The following C6orf141 variants were observed in gnomAD, a reference collection of about 807,000 sequenced individuals.
C6orf141 encodes the protein uncharacterized protein C6orf141.
For synonymous variants in C6orf141, 164 were observed against 140.5 expected (o/e 1.17, Z -1.18); for missense variants, 361 against 335.8 (o/e 1.07, Z -0.59).
rs1171579591 is a variant in C6orf141 at position 49,558,065 on chromosome 6, T to G, written c.*763+2908T>G. On this transcript the variant is annotated intron_variant and NMD_transcript_variant, in intron 4 of 4. Transcript: ENST00000371194. ...TGCCGTTACACTCAAATATGTTTTT[T>G]TTTTTTTTTTTTTTTTTTAGTAGAG... 2.4e-3 allele frequency among the ~76,000 whole-genome samples: 314 copies of G among 133,538 alleles called. 1 individual carries two copies. The highest frequency in any genetic ancestry group is 3.7e-3 in the Non-Finnish European group (234 of 62,920). The allele number at this position is 133,538 out of a possible 152,430, so 87.6% of individuals were successfully genotyped here. A position where few individuals can be genotyped will look rare whatever the true frequency, so the allele number is the denominator to read the frequency against.
At position 49,550,876 on chromosome 6, in the gene C6orf141, C is replaced by A. The variant is rs1167046195; in HGVS notation, c.84C>A (p.Asp28Glu). The A allele has an allele frequency of 3.3e-6, 5 of 1,517,460 alleles. No individual in the cohort carries two copies. The highest frequency in any genetic ancestry group is 1.3e-5 in the South Asian group (1 of 79,408). 94.0% of individuals were successfully genotyped at this position (1,517,460 alleles called of 1,614,324 possible). A position where few individuals can be genotyped will look rare whatever the true frequency, so the allele number is the denominator to read the frequency against. The change falls in exon 1 of 1, where the codon GAC becomes GAA. Residue 28 changes from aspartate (D) to glutamate (E), a missense_variant. Asp to Glu is a conservative substitution (Grantham distance 45). Coordinates refer to ENST00000529246, the MANE Select transcript of C6orf141 (RefSeq NM_001145652.2). ...NPMDSSRSLG[D>E]LGPFPREVGR... ...TGGACTCCTCCCGCAGCCTGGGGGA[C>A]CTCGGGCCTTTTCCGCGGGAGGTAG...
In C6orf141 at chr6:49,550,891, G is replaced by A. The variant is rs766891684; in HGVS notation, c.99G>A (p.Pro33=). Reference sequence around the variant, plus strand: ...GCCTGGGGGACCTCGGGCCTTTTCCGCGGGAGGTAGGGCGCGGGGCTCCGC... The same window carrying A: ...GCCTGGGGGACCTCGGGCCTTTTCCACGGGAGGTAGGGCGCGGGGCTCCGC... The part of the protein sequence containing the change: ...SRSLGDLGPF[P]REVGRGAPLA... Residue 33 remains proline (P), a synonymous_variant, in exon 1 of 1, where the codon CCG becomes CCA. Coordinates refer to ENST00000529246, the MANE Select transcript of C6orf141 (RefSeq NM_001145652.2). 3.9e-6 allele frequency: 6 copies of A among 1,522,752 alleles called. No individual in the cohort carries two copies. The African/African-American group carries it at 4.2e-5, about 11-fold the overall frequency. The allele number at this position is 1,522,752 out of a possible 1,614,324, so 94.3% of individuals were successfully genotyped here.
intron 4 of C6orf141, among the ~76,000 whole-genome samples, chr6:49,561,434 C>T (rs1773306712): frequency 6.6e-6 from 1 of 152,146 alleles, no homozygotes. Context: ...TTGAGTGTAC[C>T]TTGTGTCTTC....
intron 4 of C6orf141, among the ~76,000 whole-genome samples, chr6:49,558,080 T>TTTTTTC (rs1554168745): frequency 5.8e-5 from 8 of 138,250 alleles, no homozygotes; most frequent in East Asian, 4.5e-4. Flanking sequence ...TTTTTTTTTT[T>TTTTTTC]TTTAGTAGAG....
At chr6:49,557,187 G>A (rs1772116057) in intron 4 of C6orf141, among the ~76,000 whole-genome samples, 1 of 152,122 alleles carries the variant, frequency 6.6e-6, no homozygotes, top group South Asian at 2.1e-4. Context: ...AGGAGGAGGA[G>A]GTTGCAGTGA....
downstream of C6orf141, among the ~76,000 whole-genome samples, chr6:49,556,733 T>G (rs9381797): frequency 6.6e-6 from 1 of 151,898 alleles, no homozygotes; most frequent in Admixed American, 6.6e-5. Flanking sequence ...TTGAACACCA[T>G]GACATCTCTA....
Position 49,551,344 on chromosome 6 carries a change from G to A in C6orf141, c.552G>A (p.Arg184=), listed in dbSNP as rs1365160383. The A allele has an allele frequency of 7.7e-6, 12 of 1,551,702 alleles. No homozygotes were observed. Among genetic ancestry groups the A allele is most frequent in the Non-Finnish European group, 1.0e-5 (12 of 1,146,986 alleles). The change falls in exon 1 of 1, where the codon AGG becomes AGA. Residue 184 remains arginine (R), a synonymous_variant. Transcript: ENST00000529246. ...GGGCCAAGGGTCGCATGACCACGAG[G>A]ACTGAGGAGCACTTCGTGACCGCGC... is the stretch of plus-strand genomic sequence containing the variant. ...TSWAKGRMTT[R]TEEHFVTALT... is the part of the protein sequence containing the mutation.
chr6:49,561,810 A>G (rs1220741290), exon 5 of C6orf141: 1 of 151,874 alleles, frequency 6.6e-6, no homozygotes, highest in Non-Finnish European at 1.5e-5. Flanking sequence ...TCAGCCTCCC[A>G]AGTAGCTGGA....
intron 4 of C6orf141, chr6:49,560,481 T>C (rs1245239302): frequency 1.3e-5 from 2 of 152,198 alleles, no homozygotes; most frequent in Admixed American, 1.3e-4. Context: ...TCATTAGAGA[T>C]TTTAAAACAA....
intron 4 of C6orf141, among the ~76,000 whole-genome samples, chr6:49,561,111 T>G: frequency 6.6e-6 from 1 of 151,542 alleles, no homozygotes; most frequent in Middle Eastern, 3.4e-3. Context: ...ATTTTTTTTT[T>G]TTTTGAGACA....
chr6:49,559,271 G>C (rs977054367), intron 4 of C6orf141, among the ~76,000 whole-genome samples: 1 of 137,878 alleles, frequency 7.3e-6, no homozygotes, highest in Non-Finnish European at 1.5e-5. Context: ...CCTAAAGACA[G>C]AGTTAGAAAC....
chr6:49,551,860 C>A lies in C6orf141; in HGVS notation c.*333C>A. On this transcript the variant is annotated 3_prime_UTR_variant, in exon 1 of 1. Transcript: ENST00000529246. ...AATTGATCTCTTTTCTGTTCCCCGCCCCCCTCTTGTTTCTCTTTAGGACCT... is the reference window on the plus strand; with the variant it reads ...AATTGATCTCTTTTCTGTTCCCCGCACCCCTCTTGTTTCTCTTTAGGACCT... 4 of 1,153,496 alleles carry A rather than the reference C, an allele frequency of 3.5e-6. No homozygotes were observed. In the South Asian group the frequency reaches 9.1e-5, roughly 26 times the overall value. The allele number at this position is 1,153,496 out of a possible 1,614,324, so 71.5% of individuals were successfully genotyped here. A position where few individuals can be genotyped will look rare whatever the true frequency, so the allele number is the denominator to read the frequency against.
chr6:49,561,876 C>T (rs1408767108), exon 5 of C6orf141: 1 of 150,950 alleles, frequency 6.6e-6, no homozygotes. Context: ...TTTTTTTAAA[C>T]TAAGGAATGA....
chr6:49,551,862 C>G lies in C6orf141; in HGVS notation c.*335C>G. On this transcript the variant is annotated 3_prime_UTR_variant, in exon 1 of 1. Coordinates refer to ENST00000529246, the MANE Select transcript of C6orf141 (RefSeq NM_001145652.2). ...TTGATCTCTTTTCTGTTCCCCGCCC[C>G]CCTCTTGTTTCTCTTTAGGACCTAG... The G allele has an allele frequency of 6.9e-6, 8 of 1,151,632 alleles. No individual in the cohort carries two copies. Among genetic ancestry groups the G allele is most frequent in the Non-Finnish European group, 8.7e-6 (8 of 924,036 alleles). 71.3% of individuals were successfully genotyped at this position (1,151,632 alleles called of 1,614,324 possible). A position where few individuals can be genotyped will look rare whatever the true frequency, so the allele number is the denominator to read the frequency against.
At chr6:49,557,648 G>A (rs1266611229) in intron 4 of C6orf141, among the ~76,000 whole-genome samples, 1 of 151,912 alleles carries the variant, frequency 6.6e-6, no homozygotes, top group African/African-American at 2.4e-5. Flanking sequence ...TGTAATCACT[G>A]AAAACAAACA....
intron 4 of C6orf141, among the ~76,000 whole-genome samples, chr6:49,560,036 G>T (rs1043131215): frequency 6.6e-6 from 1 of 152,156 alleles, no homozygotes; most frequent in African/African-American, 2.4e-5. Context: ...TGATCAGGCT[G>T]GGTGCGGTGG....
chr6:49,556,696 A>C (rs1772009990), downstream of C6orf141, among the ~76,000 whole-genome samples: 1 of 152,232 alleles, frequency 6.6e-6, no homozygotes, highest in Non-Finnish European at 1.5e-5. Context: ...CAACTGATTC[A>C]GATAAGTAAA....
chr6:49,556,601 G>T (rs1323225219), downstream of C6orf141, among the ~76,000 whole-genome samples: 1 of 152,168 alleles, frequency 6.6e-6, no homozygotes, highest in Non-Finnish European at 1.5e-5. Flanking sequence ...TTGCACAATT[G>T]CAACTCTGCA....
chr6:49,554,637 CTCCCAAAGTGG>C (rs1187742655), downstream of C6orf141, among the ~76,000 whole-genome samples: 1 of 152,142 alleles, frequency 6.6e-6, no homozygotes. Flanking sequence ...CCGCCTCGGC[CTCCCAAAGTGG>C]TGGGATTACA....
Sources: gnomAD v4.1 joint callset for allele counts (sites outside exome capture counted in the v4.1 genomes callset) on GRCh38, gnomAD v4.1.1 for gene constraint, MANE v1.5 for transcripts, NCBI Gene and HGNC (gene_info 2026-07-23, HGNC 2026-07-21) for gene names.